Variants in ANK3 observed in about 807,000 individuals in gnomAD.
The protein encoded by ANK3 is ankyrin-3.
A neutral mutation model predicts 370.9 loss-of-function variants in ANK3; 57 were observed. The observed-to-expected ratio is 0.15, with a 90% CI of 0.12 to 0.19. The LOEUF (loss-of-function observed/expected upper bound fraction) is 0.19, where lower values mean the gene tolerates loss of function less well. Ranked by LOEUF, ANK3 falls within the 10% of genes least tolerant of loss-of-function variation. The probability of loss-of-function intolerance (pLI) is 1.00; values close to 1 mark genes in which losing one functional copy is unlikely to be tolerated. For synonymous variants in ANK3, 1,929 were observed against 1,946.3 expected, an observed-to-expected ratio of 0.99 and a Z score of 0.23; for missense variants, 4,439 against 5,302.1, an observed-to-expected ratio of 0.84 and a Z score of 5.06.
At chr10:60,409,937 C>T (rs2132926155) in intron 2 of ANK3, among the ~76,000 whole-genome samples, 1 of 152,288 alleles carries the variant, frequency 6.6e-6, no homozygotes, top group Non-Finnish European at 1.5e-5. Context: ...GCCCTAGTCT[C>T]TCAGCTTCAT....
chr10:60,549,513 T>G (rs2077043877), intron 2 of ANK3, among the ~76,000 whole-genome samples: 2 of 152,170 alleles, frequency 1.3e-5, no homozygotes, highest in African/African-American at 4.8e-5. Context: ...GGCCTAGTAC[T>G]TATTTCTAAG....
chr10:60,170,072 C>A (rs1051082447), intron 21 of ANK3, among the ~76,000 whole-genome samples: 2 of 144,840 alleles, frequency 1.4e-5, no homozygotes, highest in Non-Finnish European at 3.0e-5. Context: ...TATCTGTGTG[C>A]TAGAGGTGTT....
At chr10:60,034,354 C>A (rs555797754) in intron 43 of ANK3, among the ~76,000 whole-genome samples, 1 of 151,930 alleles carries the variant, frequency 6.6e-6, no homozygotes, top group Non-Finnish European at 1.5e-5. Context: ...GTGATCTGCC[C>A]GCCTCAACCT....
intron 2 of ANK3, among the ~76,000 whole-genome samples, chr10:60,453,859 A>G (rs1424310024): frequency 6.6e-6 from 1 of 152,224 alleles, no homozygotes; most frequent in African/African-American, 2.4e-5. Flanking sequence ...ATCGTTCTAT[A>G]TATTCCCATT....
rs1489428892 is a variant in ANK3, at chr10:60,026,980, C to G, written c.*2866G>C. 1 of 152,102 alleles carries G rather than the reference C, an allele frequency of 6.6e-6. No individual in the cohort carries two copies. Among genetic ancestry groups the G allele is most frequent in the Admixed American group, 6.5e-5 (1 of 15,268 alleles). 9.4% of individuals were successfully genotyped at this position (152,102 alleles called of 1,614,324 possible). A position where few individuals can be genotyped will look rare whatever the true frequency, so the allele number is the denominator to read the frequency against. On this transcript the variant is annotated 3_prime_UTR_variant, in exon 44 of 44. Transcript: ENST00000280772. Reference sequence around the variant, plus strand: ...TAATGTCACATTCAATCTACATATACATGTATAAATATATGCATATACACA... The same window carrying G: ...TAATGTCACATTCAATCTACATATAGATGTATAAATATATGCATATACACA...
rs748168844 is a variant in ANK3, at chr10:60,083,542, C to T, written c.4150G>A (p.Val1384Ile). ...APLTKGGQQLVFNFYSFKENR... is the reference protein window; with the variant it reads ...APLTKGGQQLIFNFYSFKENR... ...TCTTTGAAAGAATAAAAGTTAAAAACAAGTTGCTGTCCTCCTTTGGTAAGT... is the reference window on the plus strand; with the variant it reads ...TCTTTGAAAGAATAAAAGTTAAAAATAAGTTGCTGTCCTCCTTTGGTAAGT... Residue 1384 changes from valine to isoleucine, a missense_variant, in exon 33 of 44, where the codon GTT (valine) becomes ATT (isoleucine). By Grantham distance (29) the Val-to-Ile change is conservative. Transcript: ENST00000280772. 1 of 1,611,006 alleles carries T rather than the reference C, an allele frequency of 6.2e-7. No individual in the cohort carries two copies. The highest frequency in any genetic ancestry group is 1.7e-5 in the Admixed American group (1 of 59,600).
intron 2 of ANK3, among the ~76,000 whole-genome samples, chr10:60,465,073 C>A (rs906875716): frequency 1.3e-5 from 2 of 152,028 alleles, no homozygotes; most frequent in African/African-American, 4.8e-5. Flanking sequence ...TCGAGGCCAG[C>A]CTGGGCAACA....
chr10:60,278,828 T>C lies in ANK3; in HGVS notation c.360A>G (p.Ala120=). 1 of 1,614,018 alleles carries C rather than the reference T, an allele frequency of 6.2e-7. No individual in the cohort carries two copies. The highest frequency in any genetic ancestry group is 8.5e-7 in the Non-Finnish European group (1 of 1,179,942). ...TTGTAACCAAGACTTTTACCACCTC[T>C]GCTTGCCCAGCCAAAGATGCGATGT... The part of the protein sequence containing the change: ...ALHIASLAGQ[A]EVVKVLVTNG... The change falls in exon 4 of 44, where the codon GCA becomes GCG. Residue 120 remains alanine, a synonymous_variant. Transcript: ENST00000280772.
intron 1 of ANK3, among the ~76,000 whole-genome samples, chr10:60,280,704 A>G (rs1302669669): frequency 2.0e-5 from 3 of 152,242 alleles, no homozygotes; most frequent in Non-Finnish European, 4.4e-5. Flanking sequence ...AGCCAAAAAC[A>G]TCTTGTCACC....
intron 2 of ANK3, among the ~76,000 whole-genome samples, chr10:60,479,700 C>T (rs1261898790): frequency 1.3e-5 from 2 of 151,696 alleles, no homozygotes; most frequent in East Asian, 3.9e-4. Flanking sequence ...ATCTTAGATA[C>T]CTCTTTTTAT....
At chr10:60,569,014 A>G (rs540656349) in intron 2 of ANK3, among the ~76,000 whole-genome samples, 1 of 151,526 alleles carries the variant, frequency 6.6e-6, no homozygotes, top group South Asian at 2.1e-4. Flanking sequence ...AACTGTGAGA[A>G]AATAAATTTG....
At chr10:60,648,889 TGCTC>T (rs2078749548) in intron 1 of ANK3, among the ~76,000 whole-genome samples, 5 of 127,764 alleles carry the variant, frequency 3.9e-5, no homozygotes, top group Admixed American at 3.3e-4. Flanking sequence ...CTCCTGCTCC[TGCTC>T]CCCCAAAACC....
intron 7 of ANK3, among the ~76,000 whole-genome samples, chr10:60,252,338 G>A (rs551196760): frequency 2.6e-5 from 4 of 152,306 alleles, no homozygotes; most frequent in African/African-American, 7.2e-5. Context: ...TGTGGACAAC[G>A]TGCTGGAACA....
chr10:60,124,515 A>T (rs1311186287), intron 25 of ANK3, among the ~76,000 whole-genome samples: 1 of 152,146 alleles, frequency 6.6e-6, no homozygotes, highest in Non-Finnish European at 1.5e-5. Flanking sequence ...TTTATTTCTT[A>T]TATTTCTATA....
At chr10:60,224,592 A>G (rs2097109198) in intron 8 of ANK3, among the ~76,000 whole-genome samples, 1 of 152,156 alleles carries the variant, frequency 6.6e-6, no homozygotes, top group African/African-American at 2.4e-5. Context: ...TGGTTTGGGA[A>G]ATATTTTCAA....
chr10:60,279,277 T>C (rs918477702), intron 2 of ANK3, 129 bp from the exon 3 acceptor site: 2 of 790,170 alleles, frequency 2.5e-6, no homozygotes, highest in African/African-American at 3.5e-5. Context: ...GTGCAGGAAC[T>C]TGAATCTTGA....
At chr10:60,096,511 G>T (rs1003061629) in intron 28 of ANK3, among the ~76,000 whole-genome samples, 1 of 152,148 alleles carries the variant, frequency 6.6e-6, no homozygotes, top group Admixed American at 6.5e-5. Flanking sequence ...TGGCCAGTTC[G>T]TAAGAAACAA....
At chr10:60,196,084 T>A in intron 16 of ANK3, 61 bp downstream of exon 16, 1 of 1,433,248 alleles carries the variant, frequency 7.0e-7, no homozygotes, top group South Asian at 1.2e-5. Context: ...GAAGTAGATG[T>A]GCAGATAGAG....
chr10:60,243,332 C>T (rs2097501357), intron 7 of ANK3, among the ~76,000 whole-genome samples: 1 of 152,064 alleles, frequency 6.6e-6, no homozygotes. Context: ...AAGGTAGGGT[C>T]CTTGGCAGGG....
Sources: gnomAD v4.1 joint callset for allele counts (sites outside exome capture counted in the v4.1 genomes callset) on GRCh38, gnomAD v4.1.1 for gene constraint, MANE v1.5 for transcripts, NCBI Gene and HGNC (gene_info 2026-07-23, HGNC 2026-07-21) for gene names.